ZMYM2: variants seen among roughly 807,000 people sequenced by gnomAD.
ZMYM2 encodes the protein zinc finger MYM-type protein 2.
Under a neutral mutation model 162.8 loss-of-function variants are expected in ZMYM2, and 56 were observed. The observed-to-expected ratio is 0.34, with a 90% CI of 0.28 to 0.43. The LOEUF (loss-of-function observed/expected upper bound fraction) is 0.43. ZMYM2 is among the 20% of genes least tolerant of loss of function. The pLI, the probability that ZMYM2 is intolerant of heterozygous loss-of-function variation, is 1.00. For missense variants in ZMYM2, 1,275 were observed against 1,621.8 expected, an observed-to-expected ratio of 0.79 and a Z score of 3.67; for synonymous variants, 510 against 541.6, an observed-to-expected ratio of 0.94 and a Z score of 0.81.
chr13:20,072,523 AAAAT>A (rs1446463185), intron 21 of ZMYM2, among the ~76,000 whole-genome samples: 2 of 152,210 alleles, frequency 1.3e-5, no homozygotes, highest in South Asian at 2.1e-4. Flanking sequence ...CTCCATCTCA[AAAAT>A]AAATAAATAA....
chr13:20,004,327 C>T (rs1377035886), intron 4 of ZMYM2, among the ~76,000 whole-genome samples: 1 of 152,144 alleles, frequency 6.6e-6, no homozygotes, highest in African/African-American at 2.4e-5. Flanking sequence ...CTGATCTCCG[C>T]TCACTGCAAG....
At chr13:19,959,707 C>T (rs1231105982) in intron 1 of ZMYM2, among the ~76,000 whole-genome samples, 4 of 152,114 alleles carry the variant, frequency 2.6e-5, no homozygotes, top group African/African-American at 7.2e-5. Context: ...GGAGCAGGCT[C>T]GGTGTCCTTA....
At position 19,993,412 on chromosome 13, in the gene ZMYM2, A is replaced by C; in HGVS notation, c.340A>C (p.Ser114Arg). 1 of 1,613,880 alleles carries C rather than the reference A, an allele frequency of 6.2e-7. No homozygotes were observed. Among genetic ancestry groups the C allele is most frequent in the African/African-American group, 1.3e-5 (1 of 75,042 alleles). The change falls in exon 3 of 25, where the codon AGT becomes CGT. Residue 114 changes from serine (S) to arginine (R), a missense_variant. Around this residue, in one of 10 missense-constraint regions of ZMYM2, gnomAD observed 295 missense variants for 286.7 expected, o/e 1.03. Coordinates refer to ENST00000610343, the MANE Select transcript of ZMYM2 (RefSeq NM_197968.4). ...KELASQKGSV[S>R]ETIVIDDEED... ...GTTGGCATCTCAGAAGGGAAGTGTAAGTGAGACAATTGTCATTGATGATGA... is the reference window on the plus strand; with the variant it reads ...GTTGGCATCTCAGAAGGGAAGTGTACGTGAGACAATTGTCATTGATGATGA...
chr13:19,977,976 A>C (rs376761203), intron 2 of ZMYM2, among the ~76,000 whole-genome samples: 1 of 149,380 alleles, frequency 6.7e-6, no homozygotes, highest in Non-Finnish European at 1.5e-5. Flanking sequence ...TCCCGGGTTC[A>C]TGCCATTATC....
chr13:20,051,711 C>T (rs1955363819), intron 13 of ZMYM2, 113 bp downstream of exon 13: 2 of 1,062,012 alleles, frequency 1.9e-6, no homozygotes, highest in Non-Finnish European at 2.6e-6. Flanking sequence ...TTAACAGCAA[C>T]TTAAATTCCG....
intron 2 of ZMYM2, among the ~76,000 whole-genome samples, chr13:19,963,530 T>G (rs1955468298): frequency 6.6e-6 from 1 of 152,166 alleles, no homozygotes; most frequent in Admixed American, 6.5e-5. Context: ...TTTTATGTAG[T>G]TGGAGTTGCA....
Position 20,023,227 on chromosome 13 carries a change from G to A in ZMYM2, c.1585-3385G>A, listed in dbSNP as rs571293525. On this transcript the variant is annotated intron_variant, in intron 7 of 24. Coordinates refer to ENST00000610343, the MANE Select transcript of ZMYM2 (RefSeq NM_197968.4). ...TATAAAGGTAATTTCTTTACTGTGCGATGTCACAGACTAAAGTTTATATTG... is the reference window on the plus strand; with the variant it reads ...TATAAAGGTAATTTCTTTACTGTGCAATGTCACAGACTAAAGTTTATATTG... 1.2e-4 allele frequency among the ~76,000 whole-genome samples: 18 copies of A among 152,256 alleles called. 1 individual carries two copies. The highest frequency in any genetic ancestry group is 4.6e-4 in the Admixed American group (7 of 15,286).
chr13:20,069,819 GAAC>G (rs1272681060), intron 21 of ZMYM2, among the ~76,000 whole-genome samples: 20 of 149,704 alleles, frequency 1.3e-4, no homozygotes, highest in Non-Finnish European at 5.9e-5. Context: ...ATTGTTCTAT[GAAC>G]AACAACAACA....
At chr13:19,884,562 G>C in the ZMYM2 span, among the ~76,000 whole-genome samples, 2 of 151,968 alleles carry the variant, frequency 1.3e-5, no homozygotes, top group African/African-American at 4.8e-5. Flanking sequence ...AACAGAGAAG[G>C]AAACCTGTAT....
At chr13:20,059,173 G>A (rs1046112475) in intron 15 of ZMYM2, among the ~76,000 whole-genome samples, 1 of 151,668 alleles carries the variant, frequency 6.6e-6, no homozygotes, top group Admixed American at 6.6e-5. Flanking sequence ...GAGTATGGTA[G>A]GGTATCTGGA....
chr13:19,938,770 A>T, the ZMYM2 span, among the ~76,000 whole-genome samples: 1 of 151,844 alleles, frequency 6.6e-6, no homozygotes, highest in Non-Finnish European at 1.5e-5. Context: ...GAGTCAGCTT[A>T]ATACAGGAGT....
At chr13:20,055,915 C>T (rs1340878436) in intron 14 of ZMYM2, among the ~76,000 whole-genome samples, 3 of 151,866 alleles carry the variant, frequency 2.0e-5, no homozygotes, top group African/African-American at 7.3e-5. Context: ...CATTTTAAGG[C>T]AATGTGGTAT....
At chr13:19,958,409 G>A (rs894025051), upstream of ZMYM2, among the ~76,000 whole-genome samples, 1 of 152,000 alleles carries the variant, frequency 6.6e-6, no homozygotes, top group Admixed American at 6.5e-5. Flanking sequence ...GCCGAAGCGG[G>A]TTCGGTACGG....
chr13:19,994,012 G>A, intron 3 of ZMYM2, 93 bp downstream of exon 3: 1 of 1,347,676 alleles, frequency 7.4e-7, no homozygotes, highest in Non-Finnish European at 1.0e-6. Context: ...ACCTTGTTTA[G>A]TTTCATCATG....
chr13:19,993,950 A>G (rs768706567), intron 3 of ZMYM2, 31 bp downstream of exon 3: 51 of 1,567,712 alleles, frequency 3.3e-5, no homozygotes, highest in Non-Finnish European at 4.2e-5. Flanking sequence ...TACTTCATGT[A>G]AATGAATTTA....
chr13:19,971,244 GTATATATA>G lies in ZMYM2; in HGVS notation c.-11+11230_-11+11237del, dbSNP rs1555278426. On this transcript the variant is annotated intron_variant, in intron 2 of 24. Transcript: ENST00000610343. ...TTTATATATATGTGTGTGTGTGTGT[GTATATATA>G]TATATATATATTTTTTTTTTTTTTT... Among the ~76,000 whole-genome samples the G allele has an allele frequency of 1.2e-4, 6 of 50,132 alleles. 1 individual carries two copies. The highest frequency in any genetic ancestry group is 6.5e-4 in the South Asian group (1 of 1,548). The allele number at this position is 50,132 out of a possible 152,430, so 32.9% of individuals were successfully genotyped here.
chr13:20,011,569 T>C (rs1230573125), intron 6 of ZMYM2, among the ~76,000 whole-genome samples: 1 of 148,802 alleles, frequency 6.7e-6, no homozygotes, highest in African/African-American at 2.5e-5. Flanking sequence ...GTTTTTATTT[T>C]TTTGTTTTAT....
the ZMYM2 span, among the ~76,000 whole-genome samples, chr13:19,901,770 T>C: frequency 6.6e-6 from 1 of 152,026 alleles, no homozygotes; most frequent in African/African-American, 2.4e-5. Flanking sequence ...CTACCGCGCC[T>C]GGCCCAACTT....
the ZMYM2 span, among the ~76,000 whole-genome samples, chr13:19,941,704 G>A: frequency 6.8e-6 from 1 of 147,918 alleles, no homozygotes; most frequent in Non-Finnish European, 1.5e-5. Context: ...AACAACTCCG[G>A]GCAAATGGCT....
Sources: allele counts gnomAD v4.1 joint callset (sites outside exome capture counted in the v4.1 genomes callset), GRCh38; gene constraint gnomAD v4.1.1; regional missense constraint gnomAD v4.1.1; transcripts MANE v1.5; gene names NCBI Gene and HGNC (gene_info 2026-07-23, HGNC 2026-07-21).